STPG2: variants seen among roughly 807,000 people sequenced by gnomAD.
STPG2 encodes sperm tail PG-rich repeat containing 2.
A neutral mutation model predicts 54.2 loss-of-function variants in STPG2; 56 were observed. The observed-to-expected ratio is 1.03, with a 90% CI of 0.83 to 1.29. The LOEUF (loss-of-function observed/expected upper bound fraction) is 1.29. Among genes scored for constraint, STPG2 ranks in the 50% most tolerant of loss-of-function variants. The pLI, the probability that STPG2 is intolerant of heterozygous loss-of-function variation, is 0.00. For synonymous variants in STPG2, 200 were observed against 181.8 expected, an observed-to-expected ratio of 1.10 and a Z score of -0.81; for missense variants, 596 against 544.9, an observed-to-expected ratio of 1.09 and a Z score of -0.93.
intron 8 of STPG2, among the ~76,000 whole-genome samples, chr4:97,911,246 C>G (rs767120610): frequency 1.3e-5 from 2 of 152,238 alleles, no homozygotes; most frequent in Admixed American, 1.3e-4. Context: ...CACAGAAACA[C>G]AGGAGTTTTT....
chr4:98,055,684 A>G (rs1036320039), intron 5 of STPG2, among the ~76,000 whole-genome samples: 1 of 152,210 alleles, frequency 6.6e-6, no homozygotes, highest in African/African-American at 2.4e-5. Context: ...AGTAGAACAC[A>G]GCCAGGGACA....
At chr4:97,577,409 A>G (rs1381302370) in intron 10 of STPG2, among the ~76,000 whole-genome samples, 3 of 150,456 alleles carry the variant, frequency 2.0e-5, no homozygotes, top group Non-Finnish European at 4.4e-5. Context: ...ACCAACAGCC[A>G]TAAAAAAAAA....
At chr4:97,803,634 G>C (rs1727464035) in intron 9 of STPG2, among the ~76,000 whole-genome samples, 1 of 152,122 alleles carries the variant, frequency 6.6e-6, no homozygotes, top group African/African-American at 2.4e-5. Flanking sequence ...TCTGCCTCTT[G>C]GGTTCAAGCG....
chr4:97,971,182 G>A (rs1436184406), intron 7 of STPG2, among the ~76,000 whole-genome samples: 7 of 152,192 alleles, frequency 4.6e-5, no homozygotes, highest in Non-Finnish European at 7.4e-5. Flanking sequence ...TGGAGAAATA[G>A]GAATGCTTTT....
At chr4:97,644,345 T>C (rs1721849413) in intron 10 of STPG2, among the ~76,000 whole-genome samples, 2 of 151,984 alleles carry the variant, frequency 1.3e-5, no homozygotes, top group African/African-American at 4.8e-5. Context: ...CAAGAACTCA[T>C]GGAGAAAATA....
chr4:97,622,793 A>G (rs552893723), intron 10 of STPG2, among the ~76,000 whole-genome samples: 1 of 152,294 alleles, frequency 6.6e-6, no homozygotes, highest in African/African-American at 2.4e-5. Context: ...GGGACCATAA[A>G]AGAGCCCCAA....
At chr4:97,712,864 T>C (rs371909000) in intron 9 of STPG2, 50 bp from the exon 10 acceptor site, 22 of 1,338,612 alleles carry the variant, frequency 1.6e-5, no homozygotes, top group Non-Finnish European at 2.1e-5. Flanking sequence ...TTTAAAATTA[T>C]TGATTTTGGT....
rs3047311 is a variant in STPG2 at position 97,988,026 on chromosome 4, T to TCACACACACA, written c.613-6718_613-6709dup. Among the ~76,000 whole-genome samples, 157 of 141,706 alleles carry TCACACACACA rather than the reference T, an allele frequency of 1.1e-3. 2 individuals carry two copies. The highest frequency in any genetic ancestry group is 3.9e-3 in the African/African-American group (150 of 37,976). The allele number at this position is 141,706 out of a possible 152,430, so 93.0% of individuals were successfully genotyped here. On this transcript the variant is annotated intron_variant, in intron 5 of 10. Transcript: ENST00000295268. Reference sequence around the variant, plus strand: ...TCAAATCCTTAATATGGTCTGAATGTCACACACACACACACACACACACAC... The same window carrying TCACACACACA: ...TCAAATCCTTAATATGGTCTGAATGTCACACACACACACACACACACACACACACACACAC...
intron 4 of STPG2, among the ~76,000 whole-genome samples, chr4:97,500,198 AAGT>A (rs1325435537): frequency 6.6e-6 from 1 of 152,048 alleles, no homozygotes; most frequent in Non-Finnish European, 1.5e-5. Context: ...TGTATTTGGA[AAGT>A]AGAGCAAATA....
intron 5 of STPG2, among the ~76,000 whole-genome samples, chr4:98,094,115 C>A (rs1212991127): frequency 6.6e-6 from 1 of 152,110 alleles, no homozygotes; most frequent in Non-Finnish European, 1.5e-5. Context: ...TCCCACAATC[C>A]CAGGCAGTGC....
intron 5 of STPG2, among the ~76,000 whole-genome samples, chr4:98,004,943 C>T (rs1735531116): frequency 1.3e-5 from 2 of 148,150 alleles, no homozygotes; most frequent in African/African-American, 2.5e-5. Context: ...GTTGTCCCTT[C>T]ACTCTGTTGA....
At chr4:98,072,349 G>C (rs546111234) in intron 5 of STPG2, among the ~76,000 whole-genome samples, 1 of 152,222 alleles carries the variant, frequency 6.6e-6, no homozygotes, top group African/African-American at 2.4e-5. Flanking sequence ...TCAAGTGGGA[G>C]CTAAACGATG....
intron 9 of STPG2, among the ~76,000 whole-genome samples, chr4:97,736,580 C>G (rs966307786): frequency 6.6e-6 from 1 of 152,156 alleles, no homozygotes; most frequent in African/African-American, 2.4e-5. Context: ...CTCAGAGGGT[C>G]CTATGCCCAC....
chr4:98,058,976 A>G (rs1486904414), intron 5 of STPG2, among the ~76,000 whole-genome samples: 4 of 115,280 alleles, frequency 3.5e-5, no homozygotes, highest in Admixed American at 7.8e-5. Flanking sequence ...AAGCTAGCAG[A>G]AGACAAAAAA....
intron 4 of STPG2, among the ~76,000 whole-genome samples, chr4:97,540,437 T>A (rs542049539): frequency 1.1e-4 from 17 of 152,150 alleles, no homozygotes; most frequent in African/African-American, 4.1e-4. Flanking sequence ...AGAAGTTGAA[T>A]CTCTGAATAG....
At chr4:97,891,167 G>A (rs1730757428) in intron 8 of STPG2, among the ~76,000 whole-genome samples, 1 of 152,024 alleles carries the variant, frequency 6.6e-6, no homozygotes. Flanking sequence ...TACTTTGCTA[G>A]AGTAACTTTT....
intron 7 of STPG2, among the ~76,000 whole-genome samples, chr4:97,958,735 A>G (rs1411861716): frequency 6.6e-6 from 1 of 152,210 alleles, no homozygotes; most frequent in Non-Finnish European, 1.5e-5. Flanking sequence ...AATTACTACT[A>G]GACGTAAGAA....
At chr4:97,529,811 C>T (rs1357112426) in intron 4 of STPG2, among the ~76,000 whole-genome samples, 1 of 151,984 alleles carries the variant, frequency 6.6e-6, no homozygotes, top group Non-Finnish European at 1.5e-5. Flanking sequence ...CTCATAGGTT[C>T]GTCCCAGGAT....
chr4:97,574,853 T>C (rs1260276542), intron 10 of STPG2, among the ~76,000 whole-genome samples: 1 of 152,038 alleles, frequency 6.6e-6, no homozygotes, highest in Non-Finnish European at 1.5e-5. Flanking sequence ...TTAAGAACTC[T>C]AAAAAGTTTC....
Sources: gnomAD v4.1 joint callset for allele counts (sites outside exome capture counted in the v4.1 genomes callset) on GRCh38, gnomAD v4.1.1 for gene constraint, MANE v1.5 for transcripts, NCBI Gene and HGNC (gene_info 2026-07-23, HGNC 2026-07-21) for gene names.